Variants in COL22A1 observed in about 807,000 individuals in gnomAD.
COL22A1 encodes the protein collagen alpha-1(XXII) chain.
In COL22A1, 221 loss-of-function variants were observed where a neutral mutation model predicts 248.9. The observed-to-expected ratio is 0.89, with a 90% CI of 0.80 to 0.99. The LOEUF (loss-of-function observed/expected upper bound fraction) is 0.99, where lower values mean the gene tolerates loss of function less well. COL22A1 is among the 50% of genes least tolerant of loss of function. The pLI, the probability that COL22A1 is intolerant of heterozygous loss-of-function variation, is 0.00. For synonymous variants in COL22A1, 891 were observed against 793.4 expected, an observed-to-expected ratio of 1.12 and a Z score of -2.07; for missense variants, 2,240 against 2,179.0, an observed-to-expected ratio of 1.03 and a Z score of -0.56.
At chr8:138,742,030 G>A (rs1341854203) in intron 22 of COL22A1, among the ~76,000 whole-genome samples, 1 of 151,922 alleles carries the variant, frequency 6.6e-6, no homozygotes, top group Non-Finnish European at 1.5e-5. Flanking sequence ...AGTTGATGGT[G>A]ATGGTGGAGT....
At chr8:138,790,861 C>G (rs964206696) in intron 12 of COL22A1, among the ~76,000 whole-genome samples, 4 of 144,466 alleles carry the variant, frequency 2.8e-5, no homozygotes, top group African/African-American at 1.1e-4. Flanking sequence ...CCCTACGTCC[C>G]TACCCTCCTA....
chr8:138,640,288 G>C (rs919193783), intron 47 of COL22A1, among the ~76,000 whole-genome samples: 1 of 152,072 alleles, frequency 6.6e-6, no homozygotes, highest in African/African-American at 2.4e-5. Context: ...CATTTGGAAG[G>C]TACATTCATA....
chr8:138,662,108 T>C (rs2130694999), intron 42 of COL22A1, 25 bp from the exon 43 acceptor site: 1 of 1,604,596 alleles, frequency 6.2e-7, no homozygotes, highest in Non-Finnish European at 8.5e-7. Context: ...AAGAAGACAC[T>C]GACACCCTAC....
intron 16 of COL22A1, among the ~76,000 whole-genome samples, chr8:138,770,018 A>C (rs144716908): frequency 2.4e-4 from 36 of 152,242 alleles, no homozygotes; most frequent in Non-Finnish European, 4.7e-4. Context: ...AGGCATCACC[A>C]TCCACCCCTA....
intron 62 of COL22A1, among the ~76,000 whole-genome samples, chr8:138,594,432 G>A (rs964613344): frequency 1.3e-5 from 2 of 152,200 alleles, no homozygotes; most frequent in African/African-American, 4.8e-5. Flanking sequence ...GGCACCTTCT[G>A]ATTGCGGCTG....
Position 138,755,111 on chromosome 8 carries a change from A to G in COL22A1, c.2031+46T>C, listed in dbSNP as rs758084244. The stretch of plus-strand genomic sequence containing the variant: ...CTCTGATCTTCCAAACCCATTGGTA[A>G]GAGAAGCGTGCAGAGCAAACCCTGC... On this transcript the variant is annotated intron_variant, in intron 21 of 64. Coordinates refer to ENST00000303045, the MANE Select transcript of COL22A1 (RefSeq NM_152888.3). 1.2e-5 allele frequency: 19 copies of G among 1,588,432 alleles called. No individual in the cohort carries two copies. In the Admixed American group the frequency reaches 2.2e-4, roughly 18 times the overall value.
intron 56 of COL22A1, among the ~76,000 whole-genome samples, chr8:138,610,366 A>C (rs1447759183): frequency 1.3e-5 from 2 of 152,210 alleles, no homozygotes; most frequent in Non-Finnish European, 2.9e-5. Flanking sequence ...CCACACATAC[A>C]TTCGCAATCA....
intron 47 of COL22A1, among the ~76,000 whole-genome samples, chr8:138,643,631 T>C (rs1226025942): frequency 9.9e-5 from 7 of 70,942 alleles, no homozygotes; most frequent in African/African-American, 2.6e-4. Flanking sequence ...GATAGATAGA[T>C]AGATAGATAG....
At chr8:138,880,696 G>A (rs780359185) in intron 2 of COL22A1, among the ~76,000 whole-genome samples, 3 of 152,202 alleles carry the variant, frequency 2.0e-5, no homozygotes, top group Non-Finnish European at 4.4e-5. Context: ...ACTCTGGAGT[G>A]TGTTTGACCA....
chr8:138,832,848 A>G (rs1352686254), intron 5 of COL22A1, among the ~76,000 whole-genome samples, 191 bp downstream of exon 5: 2 of 152,246 alleles, frequency 1.3e-5, no homozygotes, highest in African/African-American at 4.8e-5. Flanking sequence ...GTCAATGATA[A>G]TAGATTGGCT....
At chr8:138,780,648 G>C (rs940542508) in intron 13 of COL22A1, among the ~76,000 whole-genome samples, 1 of 152,178 alleles carries the variant, frequency 6.6e-6, no homozygotes, top group Non-Finnish European at 1.5e-5. Context: ...CCAAGTCTAG[G>C]CACGGGGGAT....
chr8:138,593,460 A>G (rs1817261383), intron 63 of COL22A1, among the ~76,000 whole-genome samples: 2 of 151,996 alleles, frequency 1.3e-5, no homozygotes, highest in South Asian at 4.2e-4. Flanking sequence ...TCTCTCTCAC[A>G]TCTGTCTTCC....
intron 44 of COL22A1, among the ~76,000 whole-genome samples, chr8:138,658,507 C>T (rs1484860888): frequency 6.6e-6 from 1 of 152,194 alleles, no homozygotes; most frequent in Non-Finnish European, 1.5e-5. Flanking sequence ...TTCCGGTGAG[C>T]TTCCATGGTT....
At chr8:138,637,996 A>G (rs1378990768) in intron 47 of COL22A1, among the ~76,000 whole-genome samples, 1 of 151,700 alleles carries the variant, frequency 6.6e-6, no homozygotes, top group African/African-American at 2.4e-5. Flanking sequence ...CGTCTACATC[A>G]TAATGATCAA....
chr8:138,705,534 C>T (rs1828355304), intron 30 of COL22A1, among the ~76,000 whole-genome samples: 1 of 152,142 alleles, frequency 6.6e-6, no homozygotes, highest in Non-Finnish European at 1.5e-5. Context: ...CCAAACTAAG[C>T]TTCATAAGTG....
chr8:138,887,982 G>C (rs1411481733), intron 1 of COL22A1, among the ~76,000 whole-genome samples: 1 of 152,094 alleles, frequency 6.6e-6, no homozygotes, highest in African/African-American at 2.4e-5. Context: ...TGTTCCATGA[G>C]GCTTATTAGC....
At chr8:138,617,591 C>A (rs1478691925) in intron 53 of COL22A1, among the ~76,000 whole-genome samples, 1 of 152,174 alleles carries the variant, frequency 6.6e-6, no homozygotes, top group Non-Finnish European at 1.5e-5. Context: ...AACCTCCAGG[C>A]CAATCTGTGT....
rs1016677965 is a variant in COL22A1, at chr8:138,588,606, A to C, written c.*647T>G. The C allele has an allele frequency of 2.6e-5, 4 of 152,258 alleles. No individual in the cohort carries two copies. Among genetic ancestry groups the C allele is most frequent in the African/African-American group, 9.6e-5 (4 of 41,466 alleles). The allele number at this position is 152,258 out of a possible 1,614,324, so 9.4% of individuals were successfully genotyped here. A position where few individuals can be genotyped will look rare whatever the true frequency, so the allele number is the denominator to read the frequency against. ...GACATTATTTCACTTCTGTGAGCTT[A>C]GAGCACTGAGGTGGCTGGAGTGCAC... On this transcript the variant is annotated 3_prime_UTR_variant, in exon 65 of 65. Transcript: ENST00000303045.
intron 16 of COL22A1, among the ~76,000 whole-genome samples, chr8:138,763,866 A>G (rs1364108773): frequency 6.6e-6 from 1 of 151,822 alleles, no homozygotes; most frequent in Middle Eastern, 3.2e-3. Context: ...ATCTCCCTTA[A>G]TTCAATTTTC....
Sources: gnomAD v4.1 joint callset for allele counts (sites outside exome capture counted in the v4.1 genomes callset) on GRCh38, gnomAD v4.1.1 for gene constraint, MANE v1.5 for transcripts, NCBI Gene and HGNC (gene_info 2026-07-23, HGNC 2026-07-21) for gene names.